MAN1A1: variants seen among roughly 807,000 people sequenced by gnomAD.
The protein encoded by MAN1A1 is mannosyl-oligosaccharide 1,2-alpha-mannosidase IA.
Under a neutral mutation model 70.8 loss-of-function variants are expected in MAN1A1, and 29 were observed. That is an observed-to-expected ratio of 0.41 (90% CI 0.31 to 0.56). The LOEUF (loss-of-function observed/expected upper bound fraction) is 0.56, where lower values mean the gene tolerates loss of function less well. Ranked by LOEUF, MAN1A1 falls within the 20% of genes least tolerant of loss-of-function variation. The pLI, the probability that MAN1A1 is intolerant of heterozygous loss-of-function variation, is 0.29. For synonymous variants in MAN1A1, 349 were observed against 330.1 expected (o/e 1.06, Z -0.62); for missense variants, 747 against 841.3 (o/e 0.89, Z 1.39).
chr6:119,236,686 C>T (rs999047454), intron 6 of MAN1A1, among the ~76,000 whole-genome samples: 8 of 124,784 alleles, frequency 6.4e-5, no homozygotes, highest in Non-Finnish European at 1.3e-4. Context: ...CCAGCCTGGG[C>T]GAGAAAGTGA....
intron 7 of MAN1A1, among the ~76,000 whole-genome samples, chr6:119,204,528 G>A (rs566189451): frequency 2.2e-4 from 34 of 152,314 alleles, no homozygotes; most frequent in African/African-American, 7.9e-4. Flanking sequence ...TTAAGGTAAA[G>A]GGAACCAGAG....
intron 6 of MAN1A1, among the ~76,000 whole-genome samples, chr6:119,230,984 G>A (rs1381074496): frequency 1.3e-5 from 2 of 152,148 alleles, no homozygotes; most frequent in Non-Finnish European, 2.9e-5. Flanking sequence ...AAGAGATGAT[G>A]ACATCTTTCA....
intron 2 of MAN1A1, among the ~76,000 whole-genome samples, chr6:119,324,153 G>C (rs1480018664): frequency 6.6e-6 from 1 of 152,160 alleles, no homozygotes; most frequent in Non-Finnish European, 1.5e-5. Flanking sequence ...GCCTGAGACA[G>C]CATGAACACC....
At chr6:119,324,747 T>C (rs544202300) in intron 2 of MAN1A1, among the ~76,000 whole-genome samples, 1 of 152,304 alleles carries the variant, frequency 6.6e-6, no homozygotes, top group East Asian at 1.9e-4. Flanking sequence ...AAGTCACTCA[T>C]GATACATGAA....
intron 2 of MAN1A1, among the ~76,000 whole-genome samples, chr6:119,323,023 G>C (rs1773056784): frequency 6.6e-6 from 1 of 152,170 alleles, no homozygotes; most frequent in Non-Finnish European, 1.5e-5. Flanking sequence ...TATATTTAAG[G>C]CTGATCTCTC....
intron 5 of MAN1A1, among the ~76,000 whole-genome samples, chr6:119,290,175 G>C (rs17527153): frequency 0.028 from 4,251 of 152,072 alleles, 94 homozygotes; most frequent in Non-Finnish European, 0.045. Flanking sequence ...GACTCAGGAA[G>C]AGCTCCAAAG....
chr6:119,178,156 A>C lies in MAN1A1; in HGVS notation c.*1663T>G, dbSNP rs1773052166. The C allele has an allele frequency of 6.6e-6, 1 of 152,144 alleles. No individual in the cohort carries two copies. Among genetic ancestry groups the C allele is most frequent in the African/African-American group, 2.4e-5 (1 of 41,466 alleles). 9.4% of individuals were successfully genotyped at this position (152,144 alleles called of 1,614,324 possible). A position where few individuals can be genotyped will look rare whatever the true frequency, so the allele number is the denominator to read the frequency against. ...ATACACCAATGTATGATATTGAAAA[A>C]CAGAAAGCAGGTCATAAAGATGGTC... On this transcript the variant is annotated 3_prime_UTR_variant, in exon 13 of 13. Coordinates refer to ENST00000368468, the MANE Select transcript of MAN1A1 (RefSeq NM_005907.4).
rs181459035 is a variant in MAN1A1 at position 119,210,692 on chromosome 6, C to T, written c.993-5810G>A. On this transcript the variant is annotated intron_variant, in intron 6 of 12. Coordinates refer to ENST00000368468, the MANE Select transcript of MAN1A1 (RefSeq NM_005907.4). ...TAGTTTCTTTTTTTTTCATTCCTGTCATGTTTATGAATCATTTCTTTTTAA... is the reference window on the plus strand; with the variant it reads ...TAGTTTCTTTTTTTTTCATTCCTGTTATGTTTATGAATCATTTCTTTTTAA... 2.4e-3 allele frequency among the ~76,000 whole-genome samples: 354 copies of T among 149,948 alleles called. 3 individuals carry two copies. The highest frequency in any genetic ancestry group is 3.9e-3 in the Non-Finnish European group (264 of 67,592).
chr6:119,309,955 A>G (rs1312834705), intron 2 of MAN1A1, among the ~76,000 whole-genome samples: 1 of 152,208 alleles, frequency 6.6e-6, no homozygotes, highest in East Asian at 1.9e-4. Flanking sequence ...CACTATGAAA[A>G]GATTCTAAAG....
At chr6:119,191,695 G>GCCTCCAT (rs1773445806) in intron 9 of MAN1A1, among the ~76,000 whole-genome samples, 1 of 151,930 alleles carries the variant, frequency 6.6e-6, no homozygotes, top group Non-Finnish European at 1.5e-5. Context: ...TCTCCAGATA[G>GCCTCCAT]GGCCATGATA....
In MAN1A1 at chr6:119,260,976, G is replaced by GCTTTTTTTTTTTTTTTTTTTTTTTTTTT. The variant is rs1554209499; in HGVS notation, c.898-12623_898-12622insAAAAAAAAAAAAAAAAAAAAAAAAAAAG. 6.0e-5 allele frequency among the ~76,000 whole-genome samples: 7 copies of GCTTTTTTTTTTTTTTTTTTTTTTTTTTT among 116,942 alleles called. 3 individuals are homozygous for GCTTTTTTTTTTTTTTTTTTTTTTTTTTT. Among genetic ancestry groups the GCTTTTTTTTTTTTTTTTTTTTTTTTTTT allele is most frequent in the Non-Finnish European group, 6.8e-5 (4 of 59,050 alleles). 76.7% of individuals were successfully genotyped at this position (116,942 alleles called of 152,430 possible). A position where few individuals can be genotyped will look rare whatever the true frequency, so the allele number is the denominator to read the frequency against. ...TATCTAAATGTCTTGTTTTTTTATT[G>GCTTTTTTTTTTTTTTTTTTTTTTTTTTT]TTTTTTTTTTTTTTTTTTTTGAGAT... On this transcript the variant is annotated intron_variant, in intron 5 of 12. Transcript: ENST00000368468.
At chr6:119,253,899 A>G (rs941695116) in intron 5 of MAN1A1, among the ~76,000 whole-genome samples, 1 of 152,210 alleles carries the variant, frequency 6.6e-6, no homozygotes, top group Admixed American at 6.5e-5. Flanking sequence ...GCACAATTAC[A>G]AAATATTTTT....
chr6:119,192,052 T>C (rs890602386), intron 9 of MAN1A1, among the ~76,000 whole-genome samples: 1 of 152,228 alleles, frequency 6.6e-6, no homozygotes, highest in African/African-American at 2.4e-5. Context: ...TTGTTCTTAA[T>C]GGATTTTCCT....
At chr6:119,180,081 C>A (rs1453387450) in intron 12 of MAN1A1, 136 bp from the exon 13 acceptor site, 3 of 961,242 alleles carry the variant, frequency 3.1e-6, no homozygotes, top group African/African-American at 1.7e-5. Context: ...TATATCAAAA[C>A]CCTGAGGGGT....
intron 2 of MAN1A1, among the ~76,000 whole-genome samples, chr6:119,329,455 TCC>T (rs61065874): frequency 0.19 from 28,556 of 150,182 alleles, 3,130 homozygotes; most frequent in Admixed American, 0.3. Context: ...ATAATAAATA[TCC>T]CCCCCCCACC....
intron 6 of MAN1A1, among the ~76,000 whole-genome samples, chr6:119,244,876 TGAAGA>T (rs1775129745): frequency 6.6e-6 from 1 of 152,090 alleles, no homozygotes; most frequent in South Asian, 2.1e-4. Context: ...TTGAATAAAG[TGAAGA>T]GAAGTAGAAA....
intron 11 of MAN1A1, among the ~76,000 whole-genome samples, chr6:119,187,951 T>C (rs895716688): frequency 6.6e-6 from 1 of 152,240 alleles, no homozygotes; most frequent in East Asian, 1.9e-4. Context: ...TACAAAGTAA[T>C]TCTTCTATAA....
At chr6:119,242,995 A>G (rs12198667) in intron 6 of MAN1A1, among the ~76,000 whole-genome samples, 48,921 of 151,916 alleles carry the variant, frequency 0.32, 8,347 homozygotes, top group Non-Finnish European at 0.35. Context: ...AGAAAAAGAA[A>G]CCATAAAGAA....
intron 5 of MAN1A1, among the ~76,000 whole-genome samples, chr6:119,271,455 T>C (rs6926266): frequency 0.041 from 6,292 of 152,228 alleles, 148 homozygotes; most frequent in African/African-American, 0.054. Context: ...ACTTCTTAAG[T>C]TCATTAGCTG....
Sources: allele counts gnomAD v4.1 joint callset (sites outside exome capture counted in the v4.1 genomes callset), GRCh38; gene constraint gnomAD v4.1.1; transcripts MANE v1.5; gene names NCBI Gene and HGNC (gene_info 2026-07-23, HGNC 2026-07-21).